ANAPC4: variants seen among roughly 807,000 people sequenced by gnomAD.
ANAPC4 encodes anaphase-promoting complex subunit 4.
Under a neutral mutation model 119.8 loss-of-function variants are expected in ANAPC4, and 63 were observed. That is an observed-to-expected ratio of 0.53 (90% confidence interval 0.43 to 0.65). ANAPC4 has a LOEUF of 0.65. ANAPC4 is among the 30% of genes least tolerant of loss of function. The probability of loss-of-function intolerance (pLI) is 0.00; values close to 1 mark genes in which losing one functional copy is unlikely to be tolerated. For synonymous variants in ANAPC4, 283 were observed against 318.6 expected (o/e 0.89, Z 1.19); for missense variants, 716 against 945.1 (o/e 0.76, Z 3.18).
intron 14 of ANAPC4, chr4:25,395,238 T>C (rs1722582421): frequency 5.7e-6 from 1 of 174,458 alleles, no homozygotes; most frequent in South Asian, 1.7e-4. Context: ...ACCAAGAATA[T>C]TGTATATTTA....
rs1226997563 is a variant in ANAPC4 at position 25,414,361 on chromosome 4, T to C, written c.1661T>C (p.Ile554Thr). 1 of 1,601,698 alleles carries C rather than the reference T, an allele frequency of 6.2e-7. No individual in the cohort carries two copies. The highest frequency in any genetic ancestry group is 2.2e-5 in the East Asian group (1 of 44,604). The change falls in exon 23 of 29, where the codon ATT becomes ACT. Residue 554 changes from isoleucine (I) to threonine (T), a missense_variant. Around this residue, in one of 3 missense-constraint regions of ANAPC4, gnomAD observed 504 missense variants for 615.8 expected, o/e 0.82. Coordinates refer to ENST00000315368, the MANE Select transcript of ANAPC4 (RefSeq NM_013367.3). Reference protein sequence around the residue: ...IGKSMNQAICIPLYRDTRSED... With the variant: ...IGKSMNQAICTPLYRDTRSED... ...AAATCGATGAATCAAGCAATCTGTA[T>C]TCCATTGTATAGAGATACCAGAAGG...
chr4:25,389,635 A>G (rs1420854511), intron 7 of ANAPC4, among the ~76,000 whole-genome samples: 3 of 152,150 alleles, frequency 2.0e-5, no homozygotes, highest in Middle Eastern at 6.3e-3. Flanking sequence ...ATAGACCTTA[A>G]TATCTATTAT....
chr4:25,417,927 C>T (rs1180499536), intron 28 of ANAPC4, 188 bp downstream of exon 28: 1 of 888,458 alleles, frequency 1.1e-6, no homozygotes, highest in African/African-American at 1.7e-5. Flanking sequence ...ATAAAGCTTA[C>T]TAAGTAGTTA....
Position 25,418,218 on chromosome 4 carries a change from G to A in ANAPC4, c.2263G>A (p.Asp755Asn), listed in dbSNP as rs919120354. The change falls in exon 29 of 29, where the codon GAT becomes AAT. Residue 755 changes from aspartate (D) to asparagine (N), a missense_variant. Physicochemically the swap from Asp to Asn is conservative, Grantham distance 23. Around this residue, in one of 3 missense-constraint regions of ANAPC4, gnomAD observed 504 missense variants for 615.8 expected, o/e 0.82. Coordinates refer to ENST00000315368, the MANE Select transcript of ANAPC4 (RefSeq NM_013367.3). ...EMDIDDEWEL[D>N]ESSDEEEEAS... Reference sequence around the variant, plus strand: ...GGACATAGATGATGAATGGGAGCTCGATGAGTCTTCAGATGAAGAGGAGGA... The same window carrying A: ...GGACATAGATGATGAATGGGAGCTCAATGAGTCTTCAGATGAAGAGGAGGA... 15 of 1,614,032 alleles carry A rather than the reference G, an allele frequency of 9.3e-6. No individual in the cohort carries two copies. The highest frequency in any genetic ancestry group is 1.3e-5 in the African/African-American group (1 of 75,008).
rs749586422 is a variant in ANAPC4 at position 25,377,411 on chromosome 4, G to T, written c.-10-7G>T. On this transcript the variant is annotated splice_polypyrimidine_tract_variant and splice_region_variant and intron_variant, in intron 1 of 28. Coordinates refer to ENST00000315368, the MANE Select transcript of ANAPC4 (RefSeq NM_013367.3). ...CCTGCCGGCCTCTGACTGGGGTGTC[G>T]TTGCAGGGCCGTCCCCATGTTGCGT... The T allele has an allele frequency of 6.2e-7, 1 of 1,613,076 alleles. No homozygotes were observed. Among genetic ancestry groups the T allele is most frequent in the South Asian group, 1.1e-5 (1 of 91,032 alleles).
chr4:25,382,204 A>G (rs1159727605), intron 3 of ANAPC4, among the ~76,000 whole-genome samples: 1 of 152,100 alleles, frequency 6.6e-6, no homozygotes, highest in Non-Finnish European at 1.5e-5. Context: ...CTATATTTAT[A>G]TATTGTAATT....
At chr4:25,388,157 G>GT (rs1354746375) in intron 4 of ANAPC4, among the ~76,000 whole-genome samples, 7 of 152,134 alleles carry the variant, frequency 4.6e-5, no homozygotes, top group Non-Finnish European at 8.8e-5. Flanking sequence ...GTAGTCATAT[G>GT]TTTGGTGTGA....
rs1197808861 is a variant in ANAPC4 at position 25,407,021 on chromosome 4, T to A, written c.1374+136T>A. On this transcript the variant is annotated intron_variant, in intron 19 of 28. Transcript: ENST00000315368. ...ACTTTTTTAAAACTGTTGAACTAATTATGTTTATAAACATAGTCAATAAAC... is the reference window on the plus strand; with the variant it reads ...ACTTTTTTAAAACTGTTGAACTAATAATGTTTATAAACATAGTCAATAAAC... 5.6e-6 allele frequency: 5 copies of A among 897,090 alleles called. No homozygotes were observed. In the African/African-American group the frequency reaches 6.8e-5, roughly 12 times the overall value. The allele number at this position is 897,090 out of a possible 1,614,324, so 55.6% of individuals were successfully genotyped here.
chr4:25,389,390 C>T (rs1269394608), intron 7 of ANAPC4, among the ~76,000 whole-genome samples: 3 of 152,162 alleles, frequency 2.0e-5, no homozygotes, highest in African/African-American at 4.8e-5. Flanking sequence ...ATCTCTTGAC[C>T]TCGTGATCCA....
intron 3 of ANAPC4, 26 bp from the exon 4 acceptor site, chr4:25,383,235 A>T: frequency 7.0e-6 from 11 of 1,576,720 alleles, no homozygotes; most frequent in Non-Finnish European, 9.5e-6. Context: ...ACACTAATTT[A>T]TTCTGATTGT....
At chr4:25,397,853 C>A (rs931073289) in intron 16 of ANAPC4, among the ~76,000 whole-genome samples, 1 of 151,166 alleles carries the variant, frequency 6.6e-6, no homozygotes, top group Admixed American at 6.6e-5. Context: ...ATTCATTGTG[C>A]TATAATAAGC....
intron 3 of ANAPC4, among the ~76,000 whole-genome samples, chr4:25,382,028 G>A (rs893684410): frequency 3.9e-5 from 6 of 152,116 alleles, no homozygotes; most frequent in Admixed American, 2.0e-4. Flanking sequence ...AATATTTCCC[G>A]ATAAAATACA....
chr4:25,387,696 T>C (rs1421580317), intron 4 of ANAPC4, among the ~76,000 whole-genome samples: 1 of 152,150 alleles, frequency 6.6e-6, no homozygotes, highest in Admixed American at 6.6e-5. Flanking sequence ...TTTACTTGCT[T>C]ACTCATTTAT....
intron 19 of ANAPC4, 69 bp downstream of exon 19, chr4:25,406,954 A>C: frequency 8.0e-7 from 1 of 1,256,334 alleles, no homozygotes; most frequent in East Asian, 2.4e-5. Flanking sequence ...ATGACAAGAC[A>C]TAATTAAATT....
chr4:25,382,019 A>G (rs1721759512), intron 3 of ANAPC4, among the ~76,000 whole-genome samples: 1 of 152,242 alleles, frequency 6.6e-6, no homozygotes. Flanking sequence ...ATCTTTTCCA[A>G]TATTTCCCGA....
chr4:25,417,298 T>G (rs1723941647), intron 27 of ANAPC4: 2 of 162,456 alleles, frequency 1.2e-5, no homozygotes, highest in African/African-American at 4.8e-5. Flanking sequence ...AATTTTATTT[T>G]TTTACAGAGA....
chr4:25,405,730 G>A lies in ANAPC4; in HGVS notation c.1317+111G>A. On this transcript the variant is annotated intron_variant, in intron 18 of 28. Coordinates refer to ENST00000315368, the MANE Select transcript of ANAPC4 (RefSeq NM_013367.3). This position sits in a 1 kb window ranked among gnomAD's most constrained non-coding sequence, Gnocchi z 4.6. The stretch of plus-strand genomic sequence containing the variant: ...TTATTAGTTAACAGGATGTCAGGAT[G>A]TAGACGTTAGATCCCTTAAGCACCA... 1.9e-6 allele frequency: 2 copies of A among 1,041,682 alleles called. No homozygotes were observed. Among genetic ancestry groups the A allele is most frequent in the Non-Finnish European group, 2.9e-6 (2 of 687,000 alleles). The allele number at this position is 1,041,682 out of a possible 1,614,324, so 64.5% of individuals were successfully genotyped here.
intron 2 of ANAPC4, among the ~76,000 whole-genome samples, chr4:25,380,154 A>G (rs1721630743): frequency 6.6e-6 from 1 of 152,200 alleles, no homozygotes; most frequent in African/African-American, 2.4e-5. Flanking sequence ...TCTCCCGTTG[A>G]CATAAAAGAT....
At chr4:25,382,388 A>G (rs1393052415) in intron 3 of ANAPC4, among the ~76,000 whole-genome samples, 1 of 152,212 alleles carries the variant, frequency 6.6e-6, no homozygotes, top group Non-Finnish European at 1.5e-5. Context: ...CTCATTCTGT[A>G]GTCATTTTGC....
Sources: allele counts gnomAD v4.1 joint callset (sites outside exome capture counted in the v4.1 genomes callset), GRCh38; gene constraint gnomAD v4.1.1; regional missense constraint gnomAD v4.1.1; non-coding constraint Gnocchi (gnomAD v3.1); transcripts MANE v1.5; gene names NCBI Gene and HGNC (gene_info 2026-07-23, HGNC 2026-07-21).